Variants in HMGCL observed in about 807,000 individuals in gnomAD.
HMGCL encodes the protein hydroxymethylglutaryl-CoA lyase, mitochondrial.
HMGCL carries 26 observed loss-of-function variants against 37.3 expected under a neutral mutation model. The ratio of observed to expected loss-of-function variants is 0.70; its 90% confidence interval spans 0.51 to 0.97. HMGCL has a LOEUF of 0.97. HMGCL is among the 50% of genes least tolerant of loss of function. The pLI is 0.00. For synonymous variants in HMGCL, 151 were observed against 148.0 expected (o/e 1.02, Z -0.15); for missense variants, 379 against 398.1 (o/e 0.95, Z 0.41).
At chr1:23,813,620 C>T (rs910526413) in intron 5 of HMGCL, among the ~76,000 whole-genome samples, 3 of 152,102 alleles carry the variant, frequency 2.0e-5, no homozygotes, top group African/African-American at 7.2e-5. Context: ...ATTCGCCCTT[C>T]CTGGGCCTCG....
At chr1:23,822,700 C>A (rs551394693) in intron 1 of HMGCL, among the ~76,000 whole-genome samples, 3 of 152,298 alleles carry the variant, frequency 2.0e-5, no homozygotes, top group East Asian at 3.9e-4. Flanking sequence ...AAGGTCCCTG[C>A]AACTTGAATC....
chr1:23,816,046 TAG>T (rs1267912729), intron 4 of HMGCL, among the ~76,000 whole-genome samples: 2 of 150,654 alleles, frequency 1.3e-5, no homozygotes, highest in Non-Finnish European at 2.9e-5. Flanking sequence ...GTCTCCCGAG[TAG>T]CTAGGACTAC....
intron 1 of HMGCL, among the ~76,000 whole-genome samples, chr1:23,825,020 T>A (rs1167776744): frequency 6.6e-6 from 1 of 152,182 alleles, no homozygotes; most frequent in Non-Finnish European, 1.5e-5. Context: ...TGATTTTCAC[T>A]AATGAAGAGT....
chr1:23,815,732 T>G (rs933983805), intron 4 of HMGCL, among the ~76,000 whole-genome samples: 1 of 151,962 alleles, frequency 6.6e-6, no homozygotes, highest in Admixed American at 6.6e-5. Context: ...CCTGACCTCA[T>G]GATCCGCCCG....
At chr1:23,818,604 T>A (rs1414336080) in intron 2 of HMGCL, among the ~76,000 whole-genome samples, 1 of 151,634 alleles carries the variant, frequency 6.6e-6, no homozygotes, top group Non-Finnish European at 1.5e-5. Flanking sequence ...CAGAGTGGAG[T>A]GCAGTGGCAC....
At chr1:23,822,719 A>G (rs1638742974) in intron 1 of HMGCL, among the ~76,000 whole-genome samples, 1 of 152,186 alleles carries the variant, frequency 6.6e-6, no homozygotes, top group African/African-American at 2.4e-5. Context: ...TCTCCCTCCA[A>G]CAGGGATGTT....
intron 7 of HMGCL, among the ~76,000 whole-genome samples, chr1:23,805,414 A>G (rs1371769370): frequency 6.6e-6 from 1 of 152,222 alleles, no homozygotes; most frequent in African/African-American, 2.4e-5. Context: ...AGCTGTTCCC[A>G]TTTAACATCT....
intron 1 of HMGCL, among the ~76,000 whole-genome samples, chr1:23,824,094 G>T (rs1417731863): frequency 2.0e-5 from 3 of 152,144 alleles, no homozygotes; most frequent in African/African-American, 7.2e-5. Context: ...GTAAAGCTCT[G>T]CTCAGAGAGG....
In HMGCL at chr1:23,804,389, G is replaced by A. The variant is rs1638361962; in HGVS notation, c.876+11C>T. The stretch of plus-strand genomic sequence containing the variant: ...TCGGGGCTGTCGCCACCAGGGGGTG[G>A]GTGGGCTTACCGTGTGAATGCCCAA... On this transcript the variant is annotated intron_variant, in intron 8 of 8. Transcript: ENST00000374490. 6.2e-7 allele frequency: 1 copy of A among 1,613,986 alleles called. No homozygotes were observed. Among genetic ancestry groups the A allele is most frequent in the African/African-American group, 1.3e-5 (1 of 74,932 alleles).
At chr1:23,804,590 T>A in intron 7 of HMGCL, 65 bp from the exon 8 acceptor site, 1 of 1,569,656 alleles carries the variant, frequency 6.4e-7, no homozygotes, top group African/African-American at 1.3e-5. Context: ...AGATGAGCCT[T>A]GCAAACCTCC....
intron 6 of HMGCL, among the ~76,000 whole-genome samples, chr1:23,808,733 ATTTT>A (rs1323121168): frequency 7.8e-6 from 1 of 128,992 alleles, no homozygotes; most frequent in Non-Finnish European, 1.6e-5. Context: ...TGCTAGTTAT[ATTTT>A]TTTTCTTTTT....
intron 7 of HMGCL, among the ~76,000 whole-genome samples, chr1:23,807,504 T>C (rs1638434381): frequency 6.6e-6 from 1 of 152,196 alleles, no homozygotes; most frequent in African/African-American, 2.4e-5. Context: ...ACACTAAGAA[T>C]GCTCCTTCTA....
In HMGCL at chr1:23,817,603, A is replaced by T. The variant is rs765606573; in HGVS notation, c.145-20T>A. 13 of 1,468,830 alleles carry T rather than the reference A, an allele frequency of 8.9e-6. No individual in the cohort carries two copies. Among genetic ancestry groups the T allele is most frequent in the Non-Finnish European group, 1.2e-5 (13 of 1,048,904 alleles). The allele number at this position is 1,468,830 out of a possible 1,614,324, so 91.0% of individuals were successfully genotyped here. A position where few individuals can be genotyped will look rare whatever the true frequency, so the allele number is the denominator to read the frequency against. ...GATATTCTATAGTGGAGAGAGAAAC[A>T]CCAAGGCAGCAAAGTTAGTAACAAA... is the stretch of plus-strand genomic sequence containing the variant. On this transcript the variant is annotated intron_variant, in intron 2 of 8. Transcript: ENST00000374490.
At chr1:23,804,552 A>C (rs1479628369) in intron 7 of HMGCL, 27 bp from the exon 8 acceptor site, 3 of 1,613,640 alleles carry the variant, frequency 1.9e-6, no homozygotes, top group Non-Finnish European at 2.5e-6. Context: ...GGTGAAACAC[A>C]GTTGTTGCTG....
Position 23,817,878 on chromosome 1 carries a change from C to A in HMGCL, c.145-295G>T, listed in dbSNP as rs75147762. On this transcript the variant is annotated intron_variant, in intron 2 of 8. Transcript: ENST00000374490. ...GGGATGGGGCCCCCAAAGTATCACACCCTCCTCGCTTCTGTCTCCCAATTG... is the reference window on the plus strand; with the variant it reads ...GGGATGGGGCCCCCAAAGTATCACAACCTCCTCGCTTCTGTCTCCCAATTG... Among the ~76,000 whole-genome samples, 1,044 of 152,288 alleles carry A rather than the reference C, an allele frequency of 6.9e-3. 18 individuals are homozygous for A. The highest frequency in any genetic ancestry group is 0.024 in the African/African-American group (980 of 41,566).
chr1:23,821,121 C>A (rs906068965), intron 1 of HMGCL, among the ~76,000 whole-genome samples: 5 of 152,078 alleles, frequency 3.3e-5, no homozygotes, highest in African/African-American at 9.7e-5. Flanking sequence ...TTTGGGAGGC[C>A]GAAGCGGGCG....
chr1:23,804,386 G>C lies in HMGCL; in HGVS notation c.876+14C>G. The stretch of plus-strand genomic sequence containing the variant: ...AGTTCGGGGCTGTCGCCACCAGGGG[G>C]TGGGTGGGCTTACCGTGTGAATGCC... On this transcript the variant is annotated intron_variant, in intron 8 of 8. Transcript: ENST00000374490. 6.2e-7 allele frequency: 1 copy of C among 1,614,102 alleles called. No homozygotes were observed. The highest frequency in any genetic ancestry group is 8.5e-7 in the Non-Finnish European group (1 of 1,180,008).
In HMGCL at chr1:23,820,607, G is replaced by A; in HGVS notation, c.61-14C>T. ...TGAGGTGCTGACCTTTGGTTTAAAA[G>A]AGGAAACAAAAAGTATGAGGAAGAG... On this transcript the variant is annotated splice_polypyrimidine_tract_variant and intron_variant, in intron 1 of 8. Coordinates refer to ENST00000374490, the MANE Select transcript of HMGCL (RefSeq NM_000191.3). 2 of 1,598,310 alleles carry A rather than the reference G, an allele frequency of 1.3e-6. No homozygotes were observed. The highest frequency in any genetic ancestry group is 1.7e-6 in the Non-Finnish European group (2 of 1,165,668).
In HMGCL at chr1:23,804,705, C is replaced by T. The variant is rs578237363; in HGVS notation, c.751-180G>A. ...GAGACAGTGCTTCTCCTTTTAGTTT[C>T]TGTTAAACTGTTTCCTCTGCCAGCA... is the stretch of plus-strand genomic sequence containing the variant. On this transcript the variant is annotated intron_variant, in intron 7 of 8. Coordinates refer to ENST00000374490, the MANE Select transcript of HMGCL (RefSeq NM_000191.3). Among the ~76,000 whole-genome samples the T allele has an allele frequency of 1.3e-4, 20 of 152,288 alleles. No individual in the cohort carries two copies. In the South Asian group the frequency reaches 3.7e-3, roughly 28 times the overall value.
Sources: allele counts gnomAD v4.1 joint callset (sites outside exome capture counted in the v4.1 genomes callset), GRCh38; gene constraint gnomAD v4.1.1; transcripts MANE v1.5; gene names NCBI Gene and HGNC (gene_info 2026-07-23, HGNC 2026-07-21).